Variants in PPARGC1A observed in about 807,000 individuals in gnomAD.
The protein encoded by PPARGC1A is peroxisome proliferator-activated receptor gamma coactivator 1-alpha.
Under a neutral mutation model 88.7 loss-of-function variants are expected in PPARGC1A, and 25 were observed. That is an observed-to-expected ratio of 0.28 (90% confidence interval 0.21 to 0.39). PPARGC1A has a LOEUF of 0.39. Ranked by LOEUF, PPARGC1A falls within the 10% of genes least tolerant of loss-of-function variation. PPARGC1A has a pLI of 1.00. For synonymous variants in PPARGC1A, 363 were observed against 355.6 expected, an observed-to-expected ratio of 1.02 and a Z score of -0.24; for missense variants, 880 against 968.7, an observed-to-expected ratio of 0.91 and a Z score of 1.22.
chr4:24,379,218 T>C, the PPARGC1A span, among the ~76,000 whole-genome samples: 2 of 152,154 alleles, frequency 1.3e-5, no homozygotes, highest in African/African-American at 4.8e-5. Flanking sequence ...AATAATTATG[T>C]TTTTGAAGTT....
chr4:23,827,832 T>G (rs1577416513), intron 5 of PPARGC1A, among the ~76,000 whole-genome samples: 2 of 143,154 alleles, frequency 1.4e-5, no homozygotes, highest in African/African-American at 2.7e-5. Flanking sequence ...GAAGAAGGAG[T>G]GGAAGAGGAA....
chr4:23,901,557 AG>A (rs372032934), upstream of PPARGC1A, among the ~76,000 whole-genome samples: 4 of 151,424 alleles, frequency 2.6e-5, no homozygotes, highest in African/African-American at 9.7e-5. Flanking sequence ...AAAAAAAAAA[AG>A]AAAAGAAAAA....
At chr4:24,305,124 T>C in the PPARGC1A span, among the ~76,000 whole-genome samples, 2 of 94,168 alleles carry the variant, frequency 2.1e-5, no homozygotes, top group Admixed American at 1.2e-4. Context: ...TACATACATA[T>C]ATGTGTATGT....
the PPARGC1A span, among the ~76,000 whole-genome samples, chr4:24,207,275 A>G: frequency 6.6e-6 from 1 of 152,188 alleles, no homozygotes. Flanking sequence ...TTCCAGTTGC[A>G]TATCTCATTT....
the PPARGC1A span, among the ~76,000 whole-genome samples, chr4:24,228,524 A>G: frequency 6.1e-3 from 933 of 152,270 alleles, 21 homozygotes; most frequent in East Asian, 0.087. Flanking sequence ...GCAAGGGTTG[A>G]AAAACTAACT....
chr4:23,972,977 G>A, the PPARGC1A span, among the ~76,000 whole-genome samples: 4 of 152,282 alleles, frequency 2.6e-5, no homozygotes, highest in East Asian at 1.9e-4. Flanking sequence ...TCAGCTGCTC[G>A]TTAAGCAAAG....
the PPARGC1A span, among the ~76,000 whole-genome samples, chr4:24,106,413 G>C: frequency 6.6e-6 from 1 of 152,172 alleles, no homozygotes; most frequent in Admixed American, 6.5e-5. Flanking sequence ...AATTGAACCT[G>C]ATTCAGGGGC....
At chr4:23,994,476 C>T in the PPARGC1A span, among the ~76,000 whole-genome samples, 296 of 152,210 alleles carry the variant, frequency 1.9e-3, no homozygotes, top group Non-Finnish European at 3.4e-3. Context: ...TGGAAATAAA[C>T]ATTTCTGCAT....
the PPARGC1A span, among the ~76,000 whole-genome samples, chr4:24,336,753 T>A: frequency 6.6e-6 from 1 of 152,128 alleles, no homozygotes; most frequent in Non-Finnish European, 1.5e-5. Flanking sequence ...TTTTTTCCAT[T>A]TTTTGCGTTA....
At chr4:24,278,093 G>A in the PPARGC1A span, among the ~76,000 whole-genome samples, 3 of 152,066 alleles carry the variant, frequency 2.0e-5, no homozygotes, top group Non-Finnish European at 4.4e-5. Context: ...CTTGAGCCCA[G>A]GAGTTCGAAG....
chr4:24,375,938 C>T, the PPARGC1A span, among the ~76,000 whole-genome samples: 4 of 151,618 alleles, frequency 2.6e-5, no homozygotes, highest in African/African-American at 9.7e-5. Flanking sequence ...AGTGACTTGC[C>T]ATACCAAATG....
chr4:24,119,517 T>A, the PPARGC1A span, among the ~76,000 whole-genome samples: 1 of 152,140 alleles, frequency 6.6e-6, no homozygotes, highest in Non-Finnish European at 1.5e-5. Context: ...GGACCAGAGA[T>A]GGTCGCTTCC....
At chr4:23,899,708 G>C (rs184323102), upstream of PPARGC1A, among the ~76,000 whole-genome samples, 1 of 152,296 alleles carries the variant, frequency 6.6e-6, no homozygotes, top group African/African-American at 2.4e-5. Context: ...ATAAAGCACA[G>C]AAACAGATAT....
the PPARGC1A span, among the ~76,000 whole-genome samples, chr4:24,183,778 C>A: frequency 6.6e-6 from 1 of 152,084 alleles, no homozygotes; most frequent in African/African-American, 2.4e-5. Flanking sequence ...AAAGGAAAAA[C>A]GCAAGATTCA....
chr4:24,387,786 A>G, the PPARGC1A span, among the ~76,000 whole-genome samples: 7,761 of 91,284 alleles, frequency 0.085, 516 homozygotes, highest in East Asian at 0.21. Context: ...GAAAGAAAGA[A>G]AGAAAGAAAG....
At chr4:24,421,716 AC>A in the PPARGC1A span, among the ~76,000 whole-genome samples, 1 of 152,220 alleles carries the variant, frequency 6.6e-6, no homozygotes, top group Non-Finnish European at 1.5e-5. Flanking sequence ...CATGATGCGT[AC>A]CTGTCAGCAT....
At chr4:24,037,410 C>T in the PPARGC1A span, among the ~76,000 whole-genome samples, 3 of 152,100 alleles carry the variant, frequency 2.0e-5, no homozygotes, top group African/African-American at 7.2e-5. Context: ...ACCTTCTTCC[C>T]GAGCTCACCT....
Position 23,828,545 on chromosome 4 carries a change from T to C in PPARGC1A, c.612A>G (p.Arg204=), listed in dbSNP as rs144051054. The change falls in exon 5 of 13, where the codon AGA becomes AGG. Residue 204 remains arginine, a synonymous_variant. Transcript: ENST00000264867. Reference sequence around the variant, plus strand: ...ATTTGAGAAGCTCCGAGCAGGGACGTCTTTGTGGCTTTTGCTGTTGACAAA... The same window carrying C: ...ATTTGAGAAGCTCCGAGCAGGGACGCCTTTGTGGCTTTTGCTGTTGACAAA... The part of the protein sequence containing the change: ...KSICQQQKPQ[R]RPCSELLKYL... The C allele has an allele frequency of 4.5e-4, 722 of 1,614,162 alleles. No individual in the cohort carries two copies. Among genetic ancestry groups the C allele is most frequent in the Non-Finnish European group, 5.9e-4 (692 of 1,180,008 alleles).
chr4:23,905,563 T>A (rs759421820), upstream of PPARGC1A, among the ~76,000 whole-genome samples: 28 of 152,202 alleles, frequency 1.8e-4, no homozygotes, highest in African/African-American at 6.0e-4. Context: ...ATAGATTTGG[T>A]GGCTAGAATA....
Sources: gnomAD v4.1 joint callset for allele counts (sites outside exome capture counted in the v4.1 genomes callset) on GRCh38, gnomAD v4.1.1 for gene constraint, MANE v1.5 for transcripts, NCBI Gene and HGNC (gene_info 2026-07-23, HGNC 2026-07-21) for gene names.